DAAM1: variants seen among roughly 807,000 people sequenced by gnomAD.
DAAM1 encodes the protein dishevelled associated activator of morphogenesis 1, also known as disheveled-associated activator of morphogenesis 1.
DAAM1 carries 52 observed loss-of-function variants against 130.0 expected under a neutral mutation model. That is an observed-to-expected ratio of 0.40 (90% CI 0.32 to 0.50). DAAM1 has a LOEUF of 0.50. Among genes scored for constraint, DAAM1 ranks in the 20% least tolerant of loss-of-function variants. The pLI is 0.61. For missense variants in DAAM1, 1,134 were observed against 1,303.8 expected, an observed-to-expected ratio of 0.87 and a Z score of 2.01; for synonymous variants, 452 against 444.5, an observed-to-expected ratio of 1.02 and a Z score of -0.21.
intron 1 of DAAM1, among the ~76,000 whole-genome samples, chr14:59,231,695 C>T (rs549746417): frequency 7.2e-5 from 11 of 152,212 alleles, no homozygotes; most frequent in South Asian, 4.1e-4. Flanking sequence ...CTCACATCAC[C>T]GGCTTGTAGT....
chr14:59,326,254 A>T (rs1371516418), intron 10 of DAAM1, 177 bp downstream of exon 10: 2 of 690,158 alleles, frequency 2.9e-6, no homozygotes, highest in African/African-American at 1.8e-5. Flanking sequence ...AAAATTTTTT[A>T]AATGAAACAA....
At chr14:59,206,835 G>C (rs191349386) in intron 1 of DAAM1, among the ~76,000 whole-genome samples, 1 of 152,292 alleles carries the variant, frequency 6.6e-6, no homozygotes, top group East Asian at 1.9e-4. Context: ...CTAAAGTAGG[G>C]TCTTGACTGG....
At chr14:59,320,129 A>G (rs1467150548) in intron 4 of DAAM1, among the ~76,000 whole-genome samples, 1 of 152,240 alleles carries the variant, frequency 6.6e-6, no homozygotes, top group Non-Finnish European at 1.5e-5. Flanking sequence ...GAATGGTAGC[A>G]TAGGAGGACT....
intron 1 of DAAM1, among the ~76,000 whole-genome samples, chr14:59,226,763 G>T (rs1306189189): frequency 6.6e-6 from 1 of 152,158 alleles, no homozygotes; most frequent in Non-Finnish European, 1.5e-5. Flanking sequence ...AAAAGGGAAG[G>T]ATCATCACTA....
chr14:59,316,031 A>G (rs907929495), intron 4 of DAAM1, among the ~76,000 whole-genome samples: 4 of 152,216 alleles, frequency 2.6e-5, no homozygotes, highest in Admixed American at 6.5e-5. Context: ...ACACCTATTC[A>G]TCACAGCTAA....
intron 1 of DAAM1, among the ~76,000 whole-genome samples, chr14:59,244,128 T>G (rs559670417): frequency 1.3e-5 from 2 of 152,276 alleles, no homozygotes; most frequent in Admixed American, 1.3e-4. Flanking sequence ...GATTTCCGCT[T>G]TCACTTGGCT....
In DAAM1 at chr14:59,202,988, G is replaced by A. The variant is rs574000077; in HGVS notation, c.-38+14220G>A. On this transcript the variant is annotated intron_variant, in intron 1 of 24. Transcript: ENST00000360909. ...AGAAGGACAGTTAAAGACAGAACAT[G>A]AGCTTTCTTTTTTTTTTTTTTGAGA... 7.9e-5 allele frequency among the ~76,000 whole-genome samples: 12 copies of A among 151,224 alleles called. 1 individual carries two copies. The South Asian group carries it at 1.3e-3, about 16-fold the overall frequency.
chr14:59,239,631 C>G (rs372243493), intron 1 of DAAM1, among the ~76,000 whole-genome samples: 1 of 152,062 alleles, frequency 6.6e-6, no homozygotes, highest in Non-Finnish European at 1.5e-5. Context: ...GCTTCCCCAC[C>G]GCGCCCCCAC....
At chr14:59,190,434 TTG>T (rs781688811) in intron 1 of DAAM1, among the ~76,000 whole-genome samples, 7 of 152,208 alleles carry the variant, frequency 4.6e-5, no homozygotes, top group Non-Finnish European at 7.3e-5. Flanking sequence ...CCCTCCCCTG[TTG>T]TGCATAAAGA....
intron 1 of DAAM1, among the ~76,000 whole-genome samples, chr14:59,220,258 C>T (rs1425084889): frequency 6.6e-6 from 1 of 152,100 alleles, no homozygotes; most frequent in Non-Finnish European, 1.5e-5. Context: ...ACTTTAAGCT[C>T]CTAAAAGGCA....
chr14:59,325,628 G>A, intron 8 of DAAM1, 36 bp from the exon 9 acceptor site: 1 of 1,574,984 alleles, frequency 6.3e-7, no homozygotes, highest in Non-Finnish European at 8.7e-7. Context: ...TTTATAGGAT[G>A]TTCTACTTAA....
intron 17 of DAAM1, among the ~76,000 whole-genome samples, chr14:59,351,376 G>A (rs1886288262): frequency 6.6e-6 from 1 of 152,096 alleles, no homozygotes; most frequent in Admixed American, 6.6e-5. Context: ...TCTCCTACGT[G>A]AGATTTTTAA....
chr14:59,281,905 C>A (rs905137596), intron 2 of DAAM1, among the ~76,000 whole-genome samples: 1 of 152,010 alleles, frequency 6.6e-6, no homozygotes, highest in Non-Finnish European at 1.5e-5. Flanking sequence ...TATTATTATA[C>A]CCTGGTCATT....
intron 15 of DAAM1, among the ~76,000 whole-genome samples, chr14:59,339,774 G>A (rs1413933088): frequency 6.6e-6 from 1 of 152,194 alleles, no homozygotes; most frequent in Non-Finnish European, 1.5e-5. Context: ...GACAAAAGGA[G>A]GGCACCACTC....
At chr14:59,234,594 T>C (rs543313583) in intron 1 of DAAM1, among the ~76,000 whole-genome samples, 1 of 152,194 alleles carries the variant, frequency 6.6e-6, no homozygotes, top group Non-Finnish European at 1.5e-5. Context: ...TGACTTCCTC[T>C]CTTCCTATTT....
intron 1 of DAAM1, among the ~76,000 whole-genome samples, chr14:59,252,942 A>G (rs1881712251): frequency 6.6e-6 from 1 of 152,224 alleles, no homozygotes; most frequent in South Asian, 2.1e-4. Context: ...GTACAGCTAC[A>G]TGATCCATCC....
intron 1 of DAAM1, among the ~76,000 whole-genome samples, chr14:59,189,779 C>T (rs1887671413): frequency 6.6e-6 from 1 of 152,158 alleles, no homozygotes; most frequent in African/African-American, 2.4e-5. Context: ...TTCCTAGTAC[C>T]TTCATTTGTT....
intron 3 of DAAM1, among the ~76,000 whole-genome samples, chr14:59,311,501 A>G (rs1476270529): frequency 6.6e-6 from 1 of 152,022 alleles, no homozygotes; most frequent in East Asian, 1.9e-4. Context: ...AATTGTAAAA[A>G]TAGTGTATGT....
At position 59,363,478 on chromosome 14, in the gene DAAM1, C is replaced by T; in HGVS notation, c.2695-173C>T. The T allele has an allele frequency of 3.6e-6, 3 of 833,754 alleles. No homozygotes were observed. In the South Asian group the frequency reaches 5.5e-5, roughly 15 times the overall value. 51.6% of individuals were successfully genotyped at this position (833,754 alleles called of 1,614,324 possible). Reference sequence around the variant, plus strand: ...CGTGTGCACATGGGCATGGCTTTGGCATGGTGGGAGGAAGGGCAGGGGCAC... The same window carrying T: ...CGTGTGCACATGGGCATGGCTTTGGTATGGTGGGAGGAAGGGCAGGGGCAC... On this transcript the variant is annotated intron_variant, in intron 22 of 24. Coordinates refer to ENST00000360909, the MANE Select transcript of DAAM1 (RefSeq NM_001270520.2).
Sources: allele counts gnomAD v4.1 joint callset (sites outside exome capture counted in the v4.1 genomes callset), GRCh38; gene constraint gnomAD v4.1.1; transcripts MANE v1.5; gene names NCBI Gene and HGNC (gene_info 2026-07-23, HGNC 2026-07-21).